The following ROR2 variants were observed in gnomAD, a reference collection of about 807,000 sequenced individuals.
ROR2 encodes the protein ROR family WNT receptor 2.
Under a neutral mutation model 74.9 loss-of-function variants are expected in ROR2, and 33 were observed. That is an observed-to-expected ratio of 0.44 (90% CI 0.33 to 0.59). The LOEUF (loss-of-function observed/expected upper bound fraction) is 0.59, where lower values mean the gene tolerates loss of function less well. ROR2 is among the 20% of genes least tolerant of loss of function. ROR2 has a pLI of 0.02. For synonymous variants in ROR2, 586 were observed against 558.7 expected (o/e 1.05, Z -0.69); for missense variants, 1,216 against 1,313.8 (o/e 0.93, Z 1.15).
Position 91,722,709 on chromosome 9 carries a change from G to A in ROR2, c.*953C>T. 1 of 735,188 alleles carries A rather than the reference G, an allele frequency of 1.4e-6. No individual in the cohort carries two copies. Among genetic ancestry groups the A allele is most frequent in the Admixed American group, 1.8e-5 (1 of 54,226 alleles). The allele number at this position is 735,188 out of a possible 1,614,324, so 45.5% of individuals were successfully genotyped here. A position where few individuals can be genotyped will look rare whatever the true frequency, so the allele number is the denominator to read the frequency against. ...TGTGGGTCTGTGTGTAACAGGGGCT[G>A]TAAAATGAATGGACCTCATGTGCAC... On this transcript the variant is annotated 3_prime_UTR_variant, in exon 9 of 9. Transcript: ENST00000375708.
chr9:91,860,381 G>A (rs1829435795), intron 1 of ROR2, among the ~76,000 whole-genome samples: 1 of 152,146 alleles, frequency 6.6e-6, no homozygotes, highest in Non-Finnish European at 1.5e-5. Flanking sequence ...GGCTTGAGGG[G>A]GAAGATAGTC....
intron 1 of ROR2, among the ~76,000 whole-genome samples, chr9:91,854,376 C>T (rs150211681): frequency 5.2e-4 from 79 of 152,338 alleles, no homozygotes; most frequent in African/African-American, 1.9e-3. Context: ...CTCTCCACTA[C>T]ATAACGACCA....
chr9:91,895,179 A>G (rs1830506902), intron 1 of ROR2, among the ~76,000 whole-genome samples: 3 of 152,224 alleles, frequency 2.0e-5, no homozygotes, highest in Admixed American at 1.3e-4. Flanking sequence ...AGAACTACAT[A>G]CTATATGATT....
intron 4 of ROR2, among the ~76,000 whole-genome samples, chr9:91,754,217 A>C (rs1024964081): frequency 3.3e-5 from 5 of 150,658 alleles, no homozygotes; most frequent in Non-Finnish European, 7.4e-5. Flanking sequence ...ATATATTTAC[A>C]ATTTGTATAT....
At chr9:91,736,319 A>G (rs1825024782) in intron 5 of ROR2, among the ~76,000 whole-genome samples, 1 of 152,186 alleles carries the variant, frequency 6.6e-6, no homozygotes, top group South Asian at 2.1e-4. Context: ...TCGACTCTCT[A>G]GTCCGAGGGT....
chr9:91,908,191 G>T (rs1830867574), intron 1 of ROR2, among the ~76,000 whole-genome samples: 1 of 152,198 alleles, frequency 6.6e-6, no homozygotes, highest in African/African-American at 2.4e-5. Flanking sequence ...TGGTCACATG[G>T]TGAGTGGTGG....
At chr9:91,735,606 C>CTTTTTATTTTTTTTTTTTTTTTT (rs1824990692) in intron 5 of ROR2, among the ~76,000 whole-genome samples, 1 of 79,000 alleles carries the variant, frequency 1.3e-5, no homozygotes, top group Non-Finnish European at 2.4e-5. Context: ...AGGGCTCTAA[C>CTTTTTATTTTTTTTTTTTTTTTT]TTTTTTTTTT....
At chr9:91,757,667 T>G (rs1331743710) in intron 2 of ROR2, 108 bp from the exon 3 acceptor site, 1 of 1,231,476 alleles carries the variant, frequency 8.1e-7, no homozygotes, top group Admixed American at 2.0e-5. Context: ...TCGATTTTTG[T>G]CACCTACTAA....
At chr9:91,933,690 T>C (rs1490434593) in intron 1 of ROR2, among the ~76,000 whole-genome samples, 1 of 152,202 alleles carries the variant, frequency 6.6e-6, no homozygotes, top group Non-Finnish European at 1.5e-5. Flanking sequence ...AATGGAGCAA[T>C]GTGGATGAAC....
At chr9:91,847,334 C>T (rs1563996655) in intron 1 of ROR2, among the ~76,000 whole-genome samples, 1 of 152,182 alleles carries the variant, frequency 6.6e-6, no homozygotes, top group Non-Finnish European at 1.5e-5. Context: ...TTAGGCCTCG[C>T]TACCATCTCC....
Position 91,733,446 on chromosome 9 carries a change from C to T in ROR2, c.623-10G>A, listed in dbSNP as rs773010715. ...ATCATGGTGAAGGCCGCTGCAGAGC[C>T]CGCGAGACTCGCGTTAGCGGGGGAC... On this transcript the variant is annotated splice_polypyrimidine_tract_variant and intron_variant, in intron 5 of 8. Coordinates refer to ENST00000375708, the MANE Select transcript of ROR2 (RefSeq NM_004560.4). The surrounding 1 kb of genome is among the most constrained non-coding windows in gnomAD (Gnocchi z 5.7). 6.2e-7 allele frequency: 1 copy of T among 1,608,420 alleles called. No individual in the cohort carries two copies. Among genetic ancestry groups the T allele is most frequent in the Non-Finnish European group, 8.5e-7 (1 of 1,178,892 alleles).
intron 1 of ROR2, among the ~76,000 whole-genome samples, chr9:91,913,499 C>T (rs1831045231): frequency 6.6e-6 from 1 of 152,158 alleles, no homozygotes; most frequent in Non-Finnish European, 1.5e-5. Context: ...TTTCTGGAGA[C>T]TCAAACCCAA....
At chr9:91,727,191 G>A (rs948402035) in intron 7 of ROR2, among the ~76,000 whole-genome samples, 7 of 152,140 alleles carry the variant, frequency 4.6e-5, no homozygotes, top group African/African-American at 1.2e-4. Flanking sequence ...GATTAGACAC[G>A]ATCCTTTTCC....
At chr9:91,867,900 G>A (rs953224391) in intron 1 of ROR2, among the ~76,000 whole-genome samples, 1 of 152,080 alleles carries the variant, frequency 6.6e-6, no homozygotes, top group Non-Finnish European at 1.5e-5. Flanking sequence ...CTGACTGCCC[G>A]TAAAACAGTA....
intron 2 of ROR2, among the ~76,000 whole-genome samples, chr9:91,762,496 G>A (rs552963561): frequency 1.3e-5 from 2 of 152,086 alleles, no homozygotes; most frequent in Non-Finnish European, 2.9e-5. Context: ...ATGCTAAAAT[G>A]CTGCAAACAT....
At chr9:91,832,010 G>C (rs1210145004) in intron 1 of ROR2, among the ~76,000 whole-genome samples, 1 of 152,070 alleles carries the variant, frequency 6.6e-6, no homozygotes, top group Non-Finnish European at 1.5e-5. Flanking sequence ...GGCCACACAT[G>C]TTCTGTCCTG....
intron 1 of ROR2, among the ~76,000 whole-genome samples, chr9:91,871,675 G>C (rs780397324): frequency 6.6e-6 from 1 of 152,166 alleles, no homozygotes; most frequent in African/African-American, 2.4e-5. Context: ...TGCAAAGAAA[G>C]TGGCCTTGAG....
intron 1 of ROR2, among the ~76,000 whole-genome samples, chr9:91,846,853 G>A (rs1168447641): frequency 2.0e-5 from 3 of 152,260 alleles, no homozygotes; most frequent in Admixed American, 2.0e-4. Flanking sequence ...GCCTTCTAGG[G>A]CAGATGGGGC....
At chr9:91,851,684 T>C (rs979269292) in intron 1 of ROR2, among the ~76,000 whole-genome samples, 10 of 151,992 alleles carry the variant, frequency 6.6e-5, no homozygotes, top group South Asian at 2.1e-4. Context: ...CCGTTAACAA[T>C]AGGGTTTTCT....
Sources: allele counts gnomAD v4.1 joint callset (sites outside exome capture counted in the v4.1 genomes callset), GRCh38; gene constraint gnomAD v4.1.1; non-coding constraint Gnocchi (gnomAD v3.1); transcripts MANE v1.5; gene names NCBI Gene and HGNC (gene_info 2026-07-23, HGNC 2026-07-21).